TEX9: variants seen among roughly 807,000 people sequenced by gnomAD.
The protein encoded by TEX9 is testis-expressed protein 9.
A neutral mutation model predicts 59.6 loss-of-function variants in TEX9; 74 were observed. The ratio of observed to expected loss-of-function variants is 1.24; its 90% CI spans 1.03 to 1.51. TEX9 has a LOEUF of 1.51. Among genes scored for constraint, TEX9 ranks in the 40% most tolerant of loss-of-function variants. The probability of loss-of-function intolerance (pLI) is 0.00; values close to 1 mark genes in which losing one functional copy is unlikely to be tolerated. For missense variants in TEX9, 522 were observed against 447.8 expected (o/e 1.17, Z -1.49); for synonymous variants, 186 against 152.2 (o/e 1.22, Z -1.64).
At chr15:56,341,738 G>C (rs964265531) in intron 1 of TEX9, among the ~76,000 whole-genome samples, 1 of 152,206 alleles carries the variant, frequency 6.6e-6, no homozygotes, top group Non-Finnish European at 1.5e-5. Context: ...TTGAACCCAT[G>C]AAAGGTCATG....
chr15:56,428,956 G>A, intron 12 of TEX9: 1 of 566,226 alleles, frequency 1.8e-6, no homozygotes, highest in South Asian at 2.4e-5. Flanking sequence ...TCTGATAATT[G>A]TTTACAAGTT....
chr15:56,321,517 A>G (rs762756591), intron 1 of TEX9, among the ~76,000 whole-genome samples: 1 of 152,176 alleles, frequency 6.6e-6, no homozygotes, highest in South Asian at 2.1e-4. Flanking sequence ...TACTGCAATT[A>G]GTATTAAGGC....
intron 3 of TEX9, chr15:56,374,389 A>G (rs1469268411): frequency 6.6e-6 from 1 of 152,064 alleles, no homozygotes; most frequent in African/African-American, 2.4e-5. Context: ...TTATTTACTC[A>G]CTTTCTCTTT....
At chr15:56,372,031 C>T (rs1049938439) in intron 2 of TEX9, among the ~76,000 whole-genome samples, 72 of 152,156 alleles carry the variant, frequency 4.7e-4, no homozygotes, top group Non-Finnish European at 4.3e-4. Flanking sequence ...GGGCATTTCC[C>T]TTGCCTGAGT....
At chr15:56,263,072 G>A (rs1256560607) in intron 1 of TEX9, among the ~76,000 whole-genome samples, 2 of 152,138 alleles carry the variant, frequency 1.3e-5, no homozygotes, top group African/African-American at 4.8e-5. Flanking sequence ...TGCCCAGGCT[G>A]GAGTGCAGTG....
chr15:56,314,759 C>T (rs1453280270), intron 1 of TEX9, among the ~76,000 whole-genome samples: 2 of 151,654 alleles, frequency 1.3e-5, no homozygotes, highest in African/African-American at 4.8e-5. Context: ...GTGTTAAAGT[C>T]TCCCATTATT....
chr15:56,326,515 A>G (rs776950050), intron 1 of TEX9, among the ~76,000 whole-genome samples: 1 of 152,216 alleles, frequency 6.6e-6, no homozygotes, highest in African/African-American at 2.4e-5. Flanking sequence ...ATATTTAGAA[A>G]TTACAGGTAA....
Position 56,329,864 on chromosome 15 carries a change from G to T in TEX9, c.-106-43577G>T, listed in dbSNP as rs141413327. On this transcript the variant is annotated intron_variant, in intron 1 of 5. Coordinates refer to the TEX9 transcript ENST00000560827. ...TAAAGTGAGAAAGTTTATTTGAAGGGTTACTATCAGGGAACTTCTTAAACC... is the reference window on the plus strand; with the variant it reads ...TAAAGTGAGAAAGTTTATTTGAAGGTTTACTATCAGGGAACTTCTTAAACC... Among the ~76,000 whole-genome samples the T allele has an allele frequency of 3.8e-3, 574 of 152,150 alleles. 7 individuals are homozygous for T. The highest frequency in any genetic ancestry group is 0.028 in the East Asian group (146 of 5,182).
chr15:56,443,514 C>G (rs2050854202), intron 12 of TEX9: 1 of 1,597,970 alleles, frequency 6.3e-7, no homozygotes, highest in South Asian at 1.2e-5. Context: ...GTTGCCGCAG[C>G]ATTTCTTCTA....
chr15:56,247,539 G>T (rs1330590149), intron 1 of TEX9, among the ~76,000 whole-genome samples: 1 of 152,178 alleles, frequency 6.6e-6, no homozygotes, highest in African/African-American at 2.4e-5. Context: ...AGCCATGAAA[G>T]GGTACTGTTT....
At chr15:56,403,585 C>T (rs1328704687) in intron 9 of TEX9, among the ~76,000 whole-genome samples, 3 of 152,206 alleles carry the variant, frequency 2.0e-5, no homozygotes, top group Middle Eastern at 3.2e-3. Flanking sequence ...CAATGCCATC[C>T]CCATCAAGCT....
At chr15:56,373,406 ATCT>A in intron 2 of TEX9, 32 bp from the exon 3 acceptor site, 1 of 1,575,906 alleles carries the variant, frequency 6.3e-7, no homozygotes, top group Middle Eastern at 1.8e-4. Context: ...TTTTGTTAAG[ATCT>A]TCAGTATATC....
At chr15:56,317,011 G>A (rs919982467) in intron 1 of TEX9, among the ~76,000 whole-genome samples, 9 of 152,258 alleles carry the variant, frequency 5.9e-5, no homozygotes, top group African/African-American at 2.2e-4. Context: ...GCTTCTGCTC[G>A]CGCAGGGTGC....
At chr15:56,334,210 C>T (rs1003498215) in intron 1 of TEX9, among the ~76,000 whole-genome samples, 1 of 151,986 alleles carries the variant, frequency 6.6e-6, no homozygotes, top group Non-Finnish European at 1.5e-5. Flanking sequence ...AAAGCTATCC[C>T]AAGCAAATGA....
intron 1 of TEX9, among the ~76,000 whole-genome samples, chr15:56,327,560 A>G (rs2046045434): frequency 6.6e-6 from 1 of 152,208 alleles, no homozygotes; most frequent in Non-Finnish European, 1.5e-5. Context: ...AGTACTAACA[A>G]TACCTGATTT....
intron 2 of TEX9, among the ~76,000 whole-genome samples, chr15:56,372,966 T>A (rs1346839634): frequency 5.3e-5 from 8 of 152,158 alleles, no homozygotes. Context: ...ACGTTGGGTC[T>A]GCTCACTAAA....
At chr15:56,403,341 A>G (rs1213836906) in intron 9 of TEX9, among the ~76,000 whole-genome samples, 2 of 152,244 alleles carry the variant, frequency 1.3e-5, no homozygotes, top group Non-Finnish European at 2.9e-5. Flanking sequence ...TACACCAATA[A>G]CAGACACACA....
At chr15:56,310,296 G>A (rs1596079328) in intron 1 of TEX9, among the ~76,000 whole-genome samples, 1 of 152,288 alleles carries the variant, frequency 6.6e-6, no homozygotes, top group African/African-American at 2.4e-5. Context: ...GCCAGGTGTG[G>A]TGGTGCATGC....
At chr15:56,375,871 C>G (rs1477428531) in intron 3 of TEX9, among the ~76,000 whole-genome samples, 1 of 151,054 alleles carries the variant, frequency 6.6e-6, no homozygotes, top group Admixed American at 6.6e-5. Context: ...CACATATACA[C>G]CATGGAATAC....
Sources: allele counts gnomAD v4.1 joint callset (sites outside exome capture counted in the v4.1 genomes callset), GRCh38; gene constraint gnomAD v4.1.1; transcripts MANE v1.5; gene names NCBI Gene and HGNC (gene_info 2026-07-23, HGNC 2026-07-21).